The following TMEM41B variants were observed in gnomAD, a reference collection of about 807,000 sequenced individuals.
TMEM41B encodes the protein transmembrane protein 41B.
In TMEM41B, 18 loss-of-function variants were observed where a neutral mutation model predicts 31.9. The ratio of observed to expected loss-of-function variants is 0.56; its 90% CI spans 0.39 to 0.84. The LOEUF (loss-of-function observed/expected upper bound fraction) is 0.84. TMEM41B is among the 40% of genes least tolerant of loss of function. The pLI is 0.00. For synonymous variants in TMEM41B, 144 were observed against 124.3 expected (o/e 1.16, Z -1.05); for missense variants, 322 against 348.0 (o/e 0.93, Z 0.59).
At chr11:9,284,744 CAGAG>C (rs1044021275) in intron 6 of TMEM41B, among the ~76,000 whole-genome samples, 2 of 145,512 alleles carry the variant, frequency 1.4e-5, no homozygotes, top group East Asian at 2.1e-4. Context: ...GCCTGGGCGA[CAGAG>C]AGAGAATCTG....
At chr11:9,292,759 A>G (rs984887706) in intron 3 of TMEM41B, among the ~76,000 whole-genome samples, 1 of 152,098 alleles carries the variant, frequency 6.6e-6, no homozygotes, top group Admixed American at 6.5e-5. Context: ...TCGGTCTCCC[A>G]AAGTGCTGGG....
In TMEM41B at chr11:9,282,379, C is replaced by CAA. The variant is rs201433664; in HGVS notation, c.*1043_*1044dup. 2.4e-5 allele frequency: 3 copies of CAA among 126,618 alleles called. No individual in the cohort carries two copies. Among genetic ancestry groups the CAA allele is most frequent in the Admixed American group, 7.9e-5 (1 of 12,692 alleles). The allele number at this position is 126,618 out of a possible 1,614,324, so 7.8% of individuals were successfully genotyped here. A position where few individuals can be genotyped will look rare whatever the true frequency, so the allele number is the denominator to read the frequency against. On this transcript the variant is annotated 3_prime_UTR_variant, in exon 7 of 7. Coordinates refer to ENST00000528080, the MANE Select transcript of TMEM41B (RefSeq NM_015012.4). ...CCTGGGCAACAGCAAGACTCCGTCT[C>CAA]AAAAAAAAAAAAAATTATCAATACC...
At chr11:9,305,253 C>A (rs888000840) in intron 1 of TMEM41B, among the ~76,000 whole-genome samples, 5 of 151,978 alleles carry the variant, frequency 3.3e-5, no homozygotes, top group Non-Finnish European at 7.4e-5. Context: ...AAAGCAAAGA[C>A]ACATTATACA....
chr11:9,295,326 C>T lies in TMEM41B; in HGVS notation c.301G>A (p.Val101Ile). 1 of 1,600,474 alleles carries T rather than the reference C, an allele frequency of 6.2e-7. No individual in the cohort carries two copies. The highest frequency in any genetic ancestry group is 8.5e-7 in the Non-Finnish European group (1 of 1,171,974). ...DMDDAKALGK[V>I]LSKYKDTFYV... ...AAGGTGTCCTTGTATTTGGATAAAA[C>T]TTTTCCTAGAGCCTTGGCATCATCC... The change falls in exon 3 of 7, where the codon GTT becomes ATT. Residue 101 changes from valine to isoleucine, a missense_variant. Physicochemically the swap from Val to Ile is conservative, Grantham distance 29 (BLOSUM62 3). Transcript: ENST00000528080.
At position 9,286,606 on chromosome 11, in the gene TMEM41B, A is replaced by G. The variant is rs1852843040; in HGVS notation, c.568-13T>C. On this transcript the variant is annotated splice_polypyrimidine_tract_variant and intron_variant, in intron 5 of 6. Coordinates refer to ENST00000528080, the MANE Select transcript of TMEM41B (RefSeq NM_015012.4). ...TATGACGTTCAACCTGTCATAAGAA[A>G]GAAAAGAATTAGCATCAGATGAGGA... 2 of 1,586,076 alleles carry G rather than the reference A, an allele frequency of 1.3e-6. No homozygotes were observed. Among genetic ancestry groups the G allele is most frequent in the Admixed American group, 1.9e-5 (1 of 52,478 alleles).
chr11:9,284,502 C>T (rs967422197), intron 6 of TMEM41B, among the ~76,000 whole-genome samples: 7 of 151,982 alleles, frequency 4.6e-5, no homozygotes, highest in Non-Finnish European at 7.4e-5. Flanking sequence ...GTGGCTCATA[C>T]GTGTAATCCC....
At position 9,288,140 on chromosome 11, in the gene TMEM41B, A is replaced by T. The variant is rs534400439; in HGVS notation, c.462+302T>A. 1.1e-4 allele frequency: 43 copies of T among 389,936 alleles called. 2 individuals carry two copies. In the East Asian group the frequency reaches 2.4e-3, roughly 22 times the overall value. The allele number at this position is 389,936 out of a possible 1,614,324, so 24.2% of individuals were successfully genotyped here. A position where few individuals can be genotyped will look rare whatever the true frequency, so the allele number is the denominator to read the frequency against. ...ACCCCCCCAGTTCCTAAGCTTGAAA[A>T]CACCACCTCTGGCTCTGGGACTTAA... On this transcript the variant is annotated intron_variant, in intron 4 of 6. Coordinates refer to ENST00000528080, the MANE Select transcript of TMEM41B (RefSeq NM_015012.4).
chr11:9,300,018 C>G (rs1366770491), intron 1 of TMEM41B, among the ~76,000 whole-genome samples: 3 of 152,202 alleles, frequency 2.0e-5, no homozygotes, highest in South Asian at 4.1e-4. Flanking sequence ...ATTCGGGAGG[C>G]TGAGGCAGGA....
chr11:9,293,925 T>C (rs1853015917), intron 3 of TMEM41B, among the ~76,000 whole-genome samples: 1 of 152,066 alleles, frequency 6.6e-6, no homozygotes, highest in African/African-American at 2.4e-5. Context: ...CCCAGTGTTG[T>C]CAGGCGTGGC....
chr11:9,307,833 C>A (rs1853437921), intron 1 of TMEM41B, among the ~76,000 whole-genome samples: 1 of 150,944 alleles, frequency 6.6e-6, no homozygotes, highest in South Asian at 2.1e-4. Context: ...GCAAGCTCCG[C>A]CTCCCAGGTT....
chr11:9,283,394 A>C lies in TMEM41B; in HGVS notation c.*30T>G. 1 of 1,568,964 alleles carries C rather than the reference A, an allele frequency of 6.4e-7. No individual in the cohort carries two copies. On this transcript the variant is annotated 3_prime_UTR_variant, in exon 7 of 7. Transcript: ENST00000528080. ...ACCTGTTAATCCTGAGATGGTGATG[A>C]CAGCAAAACTAAAAATCAGATGATT...
intron 1 of TMEM41B, chr11:9,311,603 T>A (rs1045516238): frequency 8.7e-5 from 90 of 1,029,542 alleles, no homozygotes; most frequent in Non-Finnish European, 1.2e-4. Context: ...TGATAGGTGG[T>A]GAGTGGGCAG....
chr11:9,287,198 T>C (rs1315716846), intron 5 of TMEM41B, among the ~76,000 whole-genome samples: 1 of 151,508 alleles, frequency 6.6e-6, no homozygotes, highest in Admixed American at 6.6e-5. Flanking sequence ...TCCCAGCTAC[T>C]TGGGAGGCTG....
rs765895061 is a variant in TMEM41B at position 9,283,613 on chromosome 11, G to C, written c.707-20C>G. 4 of 1,587,846 alleles carry C rather than the reference G, an allele frequency of 2.5e-6. No homozygotes were observed. Among genetic ancestry groups the C allele is most frequent in the Non-Finnish European group, 2.6e-6 (3 of 1,171,752 alleles). On this transcript the variant is annotated intron_variant, in intron 6 of 6. Transcript: ENST00000528080. ...CGACACCTGAAATAAAATATAAAAA[G>C]ATACAGTAAAAACCACCGCAATTGT...
intron 1 of TMEM41B, among the ~76,000 whole-genome samples, chr11:9,310,791 T>C (rs1590391933): frequency 6.6e-6 from 1 of 150,608 alleles, no homozygotes; most frequent in Non-Finnish European, 1.5e-5. Flanking sequence ...CAGTCAAAGC[T>C]CATCGACCAA....
chr11:9,301,428 A>G (rs2133636425), intron 1 of TMEM41B, among the ~76,000 whole-genome samples: 1 of 152,346 alleles, frequency 6.6e-6, no homozygotes, highest in South Asian at 2.1e-4. Context: ...GAATGGATTC[A>G]ACTATTGCAC....
intron 1 of TMEM41B, among the ~76,000 whole-genome samples, chr11:9,305,186 G>A (rs576973324): frequency 6.7e-6 from 1 of 150,096 alleles, no homozygotes; most frequent in Non-Finnish European, 1.5e-5. Context: ...AATAAAGTAG[G>A]TAAGGAATGA....
At chr11:9,283,733 G>C (rs894408911) in intron 6 of TMEM41B, 140 bp from the exon 7 acceptor site, 5 of 687,186 alleles carry the variant, frequency 7.3e-6, no homozygotes, top group Non-Finnish European at 1.2e-5. Flanking sequence ...TAAAGCTCAA[G>C]TTTATTTCCA....
intron 1 of TMEM41B, among the ~76,000 whole-genome samples, chr11:9,308,294 G>C (rs1218175802): frequency 6.6e-6 from 1 of 152,168 alleles, no homozygotes; most frequent in Non-Finnish European, 1.5e-5. Context: ...AGTGAGCTGA[G>C]ATCACGCCAC....
Sources: allele counts gnomAD v4.1 joint callset (sites outside exome capture counted in the v4.1 genomes callset), GRCh38; gene constraint gnomAD v4.1.1; transcripts MANE v1.5; gene names NCBI Gene and HGNC (gene_info 2026-07-23, HGNC 2026-07-21).